SLC36A2: variants seen among roughly 807,000 people sequenced by gnomAD.
SLC36A2 encodes the protein proton-coupled amino acid transporter 2.
SLC36A2 carries 39 observed loss-of-function variants against 42.7 expected under a neutral mutation model. The ratio of observed to expected loss-of-function variants is 0.91; its 90% CI spans 0.71 to 1.19. SLC36A2 has a LOEUF of 1.19. SLC36A2 is among the 50% of genes most tolerant of loss of function. The pLI is 0.00. For synonymous variants in SLC36A2, 237 were observed against 240.8 expected, an observed-to-expected ratio of 0.98 and a Z score of 0.15; for missense variants, 590 against 613.7, an observed-to-expected ratio of 0.96 and a Z score of 0.41.
chr5:151,344,142 G>T, intron 2 of SLC36A2, 35 bp downstream of exon 2: 2 of 1,594,640 alleles, frequency 1.3e-6, no homozygotes, highest in East Asian at 2.2e-5. Flanking sequence ...TTCTGCAACT[G>T]ACCATAAAGC....
At position 151,337,471 on chromosome 5, in the gene SLC36A2, T is replaced by C. The variant is rs556939584; in HGVS notation, c.525+1589A>G. On this transcript the variant is annotated intron_variant, in intron 5 of 9. Coordinates refer to ENST00000335244, the MANE Select transcript of SLC36A2 (RefSeq NM_181776.3). ...ACTTATTAGGTTTTAGAACACACTC[T>C]ACTTGGCTGTAAACTCCTTGATACA... Among the ~76,000 whole-genome samples, 6 of 152,332 alleles carry C rather than the reference T, an allele frequency of 3.9e-5. No homozygotes were observed. The South Asian group carries it at 1.2e-3, about 32-fold the overall frequency.
intron 5 of SLC36A2, among the ~76,000 whole-genome samples, chr5:151,336,078 G>A (rs1332113099): frequency 6.6e-6 from 1 of 152,098 alleles, no homozygotes; most frequent in Non-Finnish European, 1.5e-5. Context: ...ATTCGCAGTG[G>A]CTATTTGTTA....
chr5:151,316,971 G>A lies in SLC36A2; in HGVS notation c.1298C>T (p.Ser433Leu). ...PPLLEVTTFYSEGMSPLTIFK... is the reference protein window; with the variant it reads ...PPLLEVTTFYLEGMSPLTIFK... Reference sequence around the variant, plus strand: ...GATGGTGAGGGGGCTCATGCCCTCTGAGTAGAACGTGGTGACCTCCAGGAG... The same window carrying A: ...GATGGTGAGGGGGCTCATGCCCTCTAAGTAGAACGTGGTGACCTCCAGGAG... The change falls in exon 10 of 10, where the codon TCA becomes TTA. Residue 433 changes from serine to leucine, a missense_variant. Ser to Leu is a moderately radical substitution (Grantham distance 145). Coordinates refer to ENST00000335244, the MANE Select transcript of SLC36A2 (RefSeq NM_181776.3). 1 of 1,614,064 alleles carries A rather than the reference G, an allele frequency of 6.2e-7. No individual in the cohort carries two copies. Among genetic ancestry groups the A allele is most frequent in the Non-Finnish European group, 8.5e-7 (1 of 1,180,004 alleles).
At chr5:151,317,231 C>T (rs1360140093) in intron 9 of SLC36A2, 143 bp from the exon 10 acceptor site, 9 of 1,065,858 alleles carry the variant, frequency 8.4e-6, no homozygotes, top group Non-Finnish European at 1.2e-5. Flanking sequence ...ATGGGTGGAT[C>T]ACTGAAGGTT....
chr5:151,325,063 C>T, intron 8 of SLC36A2: 3 of 612,354 alleles, frequency 4.9e-6, no homozygotes, highest in South Asian at 3.6e-5. Context: ...TCATGTCCTC[C>T]TTCACACTAA....
At chr5:151,343,630 G>A (rs1447217214) in intron 2 of SLC36A2, 32 bp from the exon 3 acceptor site, 4 of 1,583,270 alleles carry the variant, frequency 2.5e-6, no homozygotes, top group African/African-American at 1.3e-5. Flanking sequence ...GGCGAGGGAG[G>A]AGAGAAGAGA....
intron 7 of SLC36A2, among the ~76,000 whole-genome samples, chr5:151,329,339 A>G (rs1223146660): frequency 6.6e-6 from 1 of 152,244 alleles, no homozygotes; most frequent in African/African-American, 2.4e-5. Context: ...GTTTGCTAAA[A>G]CCAAAAATCA....
intron 4 of SLC36A2, among the ~76,000 whole-genome samples, 200 bp downstream of exon 4, chr5:151,342,688 C>A (rs1234393462): frequency 6.6e-6 from 1 of 152,128 alleles, no homozygotes; most frequent in Non-Finnish European, 1.5e-5. Flanking sequence ...AGCTGCGTAG[C>A]AAAGGAATGA....
intron 7 of SLC36A2, among the ~76,000 whole-genome samples, chr5:151,331,912 G>T (rs1302871319): frequency 3.9e-5 from 6 of 152,018 alleles, no homozygotes; most frequent in Non-Finnish European, 7.4e-5. Context: ...TGTCACCCAG[G>T]CTGGAGTGCA....
At chr5:151,334,497 C>G (rs1375796875) in intron 6 of SLC36A2, among the ~76,000 whole-genome samples, 1 of 152,076 alleles carries the variant, frequency 6.6e-6, no homozygotes, top group Non-Finnish European at 1.5e-5. Flanking sequence ...TCGAGACCAG[C>G]CTGGCCAACA....
chr5:151,326,950 C>G (rs1353733304), intron 7 of SLC36A2, among the ~76,000 whole-genome samples: 1 of 151,910 alleles, frequency 6.6e-6, no homozygotes, highest in Non-Finnish European at 1.5e-5. Context: ...GGAGCTGGGA[C>G]TATAGGCATG....
At chr5:151,339,885 A>G (rs529922667) in intron 4 of SLC36A2, among the ~76,000 whole-genome samples, 1 of 152,352 alleles carries the variant, frequency 6.6e-6, no homozygotes, top group African/African-American at 2.4e-5. Context: ...TTATAGACTA[A>G]TGGGTTAGGT....
At chr5:151,343,983 A>G (rs1216170288) in intron 2 of SLC36A2, among the ~76,000 whole-genome samples, 194 bp downstream of exon 2, 4 of 152,134 alleles carry the variant, frequency 2.6e-5, no homozygotes, top group Non-Finnish European at 5.9e-5. Context: ...GAGCAGGCAA[A>G]TGACTTACCA....
chr5:151,329,754 A>G (rs982803204), intron 7 of SLC36A2, among the ~76,000 whole-genome samples: 3 of 152,366 alleles, frequency 2.0e-5, no homozygotes, highest in South Asian at 2.1e-4. Flanking sequence ...TGAACAACAA[A>G]GAGCAAAGAG....
At chr5:151,324,085 A>G (rs1755781853) in intron 8 of SLC36A2, among the ~76,000 whole-genome samples, 1 of 152,174 alleles carries the variant, frequency 6.6e-6, no homozygotes, top group South Asian at 2.1e-4. Context: ...CTATTGCATG[A>G]ATTGAGTATG....
intron 6 of SLC36A2, among the ~76,000 whole-genome samples, chr5:151,333,596 G>A (rs1166806153): frequency 6.6e-6 from 1 of 152,178 alleles, no homozygotes. Context: ...CGGGTGCAGT[G>A]GCTTAACCTG....
At chr5:151,333,359 T>G (rs775317893) in intron 6 of SLC36A2, 37 bp from the exon 7 acceptor site, 1 of 1,554,860 alleles carries the variant, frequency 6.4e-7, no homozygotes, top group South Asian at 1.1e-5. Context: ...CAGTCACTCT[T>G]AAAGCACATT....
In SLC36A2 at chr5:151,342,791, C is replaced by T; in HGVS notation, c.440+97G>A. The T allele has an allele frequency of 2.9e-6, 3 of 1,024,426 alleles. No individual in the cohort carries two copies. In the South Asian group the frequency reaches 4.0e-5, roughly 14 times the overall value. The allele number at this position is 1,024,426 out of a possible 1,614,324, so 63.5% of individuals were successfully genotyped here. ...ATGTACAACATCTAACATAGAAGTGCCAAACAAACCACCTTTCCAGGGAAG... is the reference window on the plus strand; with the variant it reads ...ATGTACAACATCTAACATAGAAGTGTCAAACAAACCACCTTTCCAGGGAAG... On this transcript the variant is annotated intron_variant, in intron 4 of 9. Coordinates refer to ENST00000335244, the MANE Select transcript of SLC36A2 (RefSeq NM_181776.3).
In SLC36A2 at chr5:151,344,267, T is replaced by C. The variant is rs774782680; in HGVS notation, c.165A>G (p.Thr55=). The change falls in exon 2 of 10, where the codon ACA becomes ACG. Residue 55 remains threonine (T), a splice_region_variant and synonymous_variant. Coordinates refer to ENST00000335244, the MANE Select transcript of SLC36A2 (RefSeq NM_181776.3). The part of the protein sequence containing the change: ...SAGLKKTKGI[T]VFQALIHLVK... The stretch of plus-strand genomic sequence containing the variant: ...CCAGGTGAATCAAGGCCTGGAACAC[T>C]CTAAAGGAGAGGAAGGAGATGTGAA... The C allele has an allele frequency of 3.1e-6, 5 of 1,612,542 alleles. No homozygotes were observed. The highest frequency in any genetic ancestry group is 4.2e-6 in the Non-Finnish European group (5 of 1,178,858).
Sources: allele counts gnomAD v4.1 joint callset (sites outside exome capture counted in the v4.1 genomes callset), GRCh38; gene constraint gnomAD v4.1.1; transcripts MANE v1.5; gene names NCBI Gene and HGNC (gene_info 2026-07-23, HGNC 2026-07-21).